Variants in ABCA13 observed in about 807,000 individuals in gnomAD.
ABCA13 encodes ATP-binding cassette sub-family A member 13.
ABCA13 carries 476 observed loss-of-function variants against 478.7 expected under a neutral mutation model. The observed-to-expected ratio is 0.99, with a 90% CI of 0.92 to 1.07. The LOEUF is 1.07. Ranked by LOEUF, ABCA13 falls within the 50% of genes least tolerant of loss-of-function variation. The pLI, the probability that ABCA13 is intolerant of heterozygous loss-of-function variation, is 0.00. For missense variants in ABCA13, 6,060 were observed against 5,910.6 expected (o/e 1.03, Z -0.83); for synonymous variants, 2,252 against 2,158.9 (o/e 1.04, Z -1.20).
At chr7:48,317,415 G>A in intron 27 of ABCA13, 119 bp downstream of exon 27, 1 of 1,132,752 alleles carries the variant, frequency 8.8e-7, no homozygotes, top group Non-Finnish European at 1.2e-6. Flanking sequence ...CTCTTGTTTT[G>A]AATCTACTTC....
intron 1 of ABCA13, among the ~76,000 whole-genome samples, chr7:48,188,221 T>G (rs1195147681): frequency 6.6e-6 from 1 of 152,146 alleles, no homozygotes; most frequent in Non-Finnish European, 1.5e-5. Flanking sequence ...CTATGAAAAA[T>G]TGTTAAACGT....
At chr7:48,580,611 T>C (rs1382363737) in intron 56 of ABCA13, among the ~76,000 whole-genome samples, 1 of 152,238 alleles carries the variant, frequency 6.6e-6, no homozygotes, top group Admixed American at 6.5e-5. Flanking sequence ...TGGTCGGAGT[T>C]AAAGCATAAA....
chr7:48,321,167 C>T (rs1012371), intron 27 of ABCA13, among the ~76,000 whole-genome samples: 112,743 of 152,082 alleles, frequency 0.74, 42,639 homozygotes, highest in East Asian at 0.99. Context: ...TTTAGTGTCA[C>T]AAGTAGGAGG....
At chr7:48,624,342 G>C (rs367675020) in intron 59 of ABCA13, among the ~76,000 whole-genome samples, 1 of 152,124 alleles carries the variant, frequency 6.6e-6, no homozygotes, top group East Asian at 1.9e-4. Flanking sequence ...GCTGCATGCG[G>C]CATCTATTTG....
chr7:48,252,953 A>G (rs188078670), intron 15 of ABCA13, among the ~76,000 whole-genome samples: 46 of 152,306 alleles, frequency 3.0e-4, no homozygotes, highest in African/African-American at 1.1e-3. Context: ...GGCTTTGTGC[A>G]GGGGAAGACC....
At chr7:48,307,017 A>G (rs1462667376) in intron 23 of ABCA13, among the ~76,000 whole-genome samples, 1 of 152,084 alleles carries the variant, frequency 6.6e-6, no homozygotes, top group African/African-American at 2.4e-5. Flanking sequence ...GTGAGCTGCA[A>G]TGTCAGCTCC....
At chr7:48,434,141 A>G (rs1822513783) in intron 42 of ABCA13, among the ~76,000 whole-genome samples, 1 of 152,042 alleles carries the variant, frequency 6.6e-6, no homozygotes, top group Non-Finnish European at 1.5e-5. Context: ...AGCCTGAACT[A>G]GGGCTCCAGT....
At chr7:48,635,146 T>C (rs1227937404) in intron 59 of ABCA13, among the ~76,000 whole-genome samples, 1 of 147,046 alleles carries the variant, frequency 6.8e-6, no homozygotes, top group African/African-American at 2.5e-5. Context: ...TCTATCAATC[T>C]CCCAATTGCC....
chr7:48,509,846 C>T (rs1831522883), intron 50 of ABCA13, among the ~76,000 whole-genome samples: 2 of 152,132 alleles, frequency 1.3e-5, no homozygotes, highest in South Asian at 4.2e-4. Context: ...ATGGAGCCCT[C>T]CTGAATGGGA....
chr7:48,633,949 TA>T (rs1563532679), intron 59 of ABCA13, among the ~76,000 whole-genome samples: 9 of 151,592 alleles, frequency 5.9e-5, no homozygotes, highest in Non-Finnish European at 1.3e-4. Context: ...GATAGATAGA[TA>T]GATAGATAGA....
At chr7:48,328,803 GAAATGC>G (rs1253538880) in intron 27 of ABCA13, among the ~76,000 whole-genome samples, 1 of 152,076 alleles carries the variant, frequency 6.6e-6, no homozygotes, top group African/African-American at 2.4e-5. Flanking sequence ...AATAGTAAGA[GAAATGC>G]AAATCCCCAA....
At chr7:48,644,841 T>C in intron 61 of ABCA13, 87 bp downstream of exon 61, 1 of 1,277,044 alleles carries the variant, frequency 7.8e-7, no homozygotes, top group Non-Finnish European at 1.1e-6. Context: ...ATCGAATTGC[T>C]TCAATTCACC....
At chr7:48,271,145 A>G (rs753430344) in intron 16 of ABCA13, among the ~76,000 whole-genome samples, 5 of 152,224 alleles carry the variant, frequency 3.3e-5, no homozygotes, top group Non-Finnish European at 7.3e-5. Flanking sequence ...CAAGAATGTC[A>G]AAAGTGGACT....
intron 31 of ABCA13, among the ~76,000 whole-genome samples, chr7:48,367,113 G>T (rs979917936): frequency 6.6e-6 from 1 of 152,134 alleles, no homozygotes; most frequent in Non-Finnish European, 1.5e-5. Flanking sequence ...ACATTTAAAG[G>T]CAGGTAAAGG....
chr7:48,432,031 C>T (rs577041327), intron 42 of ABCA13, among the ~76,000 whole-genome samples: 153 of 152,130 alleles, frequency 1.0e-3, no homozygotes, highest in African/African-American at 3.4e-3. Context: ...ATTTTACATA[C>T]GTAACAAACC....
At chr7:48,396,774 C>G (rs76563544) in intron 38 of ABCA13, among the ~76,000 whole-genome samples, 4,827 of 152,198 alleles carry the variant, frequency 0.032, 134 homozygotes, top group East Asian at 0.15. Context: ...CGGAACTTGG[C>G]AGGCAGGGCA....
chr7:48,615,282 C>T lies in ABCA13; in HGVS notation c.14745-3C>T. On this transcript the variant is annotated splice_polypyrimidine_tract_variant and splice_region_variant and intron_variant, in intron 58 of 61. Coordinates refer to ENST00000435803, the MANE Select transcript of ABCA13 (RefSeq NM_152701.5). ...CATTTTTGTCTCTTTTCCTTCTTTA[C>T]AGCATGGAGGAGTGTGAGGCTCTTT... The T allele has an allele frequency of 2.0e-6, 3 of 1,495,874 alleles. No individual in the cohort carries two copies. Among genetic ancestry groups the T allele is most frequent in the East Asian group, 2.5e-5 (1 of 40,744 alleles). 92.7% of individuals were successfully genotyped at this position (1,495,874 alleles called of 1,614,324 possible). A position where few individuals can be genotyped will look rare whatever the true frequency, so the allele number is the denominator to read the frequency against.
At chr7:48,228,534 A>G (rs896521551) in intron 6 of ABCA13, among the ~76,000 whole-genome samples, 2 of 152,076 alleles carry the variant, frequency 1.3e-5, no homozygotes, top group Non-Finnish European at 2.9e-5. Context: ...GGACCTACCT[A>G]TGTGCACTGA....
chr7:48,565,478 C>T (rs894052070), intron 55 of ABCA13, among the ~76,000 whole-genome samples: 1 of 151,842 alleles, frequency 6.6e-6, no homozygotes, highest in East Asian at 1.9e-4. Flanking sequence ...ATCTGAAATA[C>T]CCGAGAGAAC....
Sources: gnomAD v4.1 joint callset for allele counts (sites outside exome capture counted in the v4.1 genomes callset) on GRCh38, gnomAD v4.1.1 for gene constraint, MANE v1.5 for transcripts, NCBI Gene and HGNC (gene_info 2026-07-23, HGNC 2026-07-21) for gene names.